PRKG1: variants seen among roughly 807,000 people sequenced by gnomAD.
The protein encoded by PRKG1 is protein kinase cGMP-dependent 1.
In PRKG1, 35 loss-of-function variants were observed where a neutral mutation model predicts 88.1. The observed-to-expected ratio is 0.40, with a 90% CI of 0.30 to 0.53. The LOEUF is 0.53. Among genes scored for constraint, PRKG1 ranks in the 20% least tolerant of loss-of-function variants. The pLI is 0.59. For missense variants in PRKG1, 540 were observed against 839.8 expected, an observed-to-expected ratio of 0.64 and a Z score of 4.41; for synonymous variants, 303 against 292.5, an observed-to-expected ratio of 1.04 and a Z score of -0.37.
At chr10:51,588,095 A>C (rs184263031) in intron 3 of PRKG1, among the ~76,000 whole-genome samples, 194 of 152,300 alleles carry the variant, frequency 1.3e-3, no homozygotes, top group African/African-American at 4.3e-3. Flanking sequence ...TCCTGGAGGG[A>C]CTGTCTCTTG....
At chr10:51,274,647 G>A (rs1293166293) in intron 2 of PRKG1, among the ~76,000 whole-genome samples, 1 of 152,198 alleles carries the variant, frequency 6.6e-6, no homozygotes, top group Non-Finnish European at 1.5e-5. Context: ...AGTGGTGAGT[G>A]TTTGAAGACA....
chr10:52,291,623 G>A (rs1305628897), intron 17 of PRKG1, among the ~76,000 whole-genome samples: 3 of 152,130 alleles, frequency 2.0e-5, no homozygotes, highest in Non-Finnish European at 4.4e-5. Context: ...TGGTGTATAC[G>A]TGCCACATTT....
intron 9 of PRKG1, among the ~76,000 whole-genome samples, chr10:52,221,261 AG>A (rs1406724464): frequency 1.3e-5 from 2 of 152,134 alleles, no homozygotes; most frequent in African/African-American, 4.8e-5. Flanking sequence ...GCCTCACAGA[AG>A]CCATAACATA....
At chr10:51,199,965 C>G (rs376406079) in intron 2 of PRKG1, among the ~76,000 whole-genome samples, 2 of 152,114 alleles carry the variant, frequency 1.3e-5, no homozygotes, top group African/African-American at 2.4e-5. Context: ...GGATTCTCTA[C>G]GTGTTATTTA....
chr10:51,703,849 A>G (rs916043431), intron 3 of PRKG1, among the ~76,000 whole-genome samples: 3 of 152,142 alleles, frequency 2.0e-5, no homozygotes. Flanking sequence ...TAAGATTGCA[A>G]TCATAGTTGC....
At chr10:51,509,588 C>G (rs546741368) in intron 3 of PRKG1, among the ~76,000 whole-genome samples, 1 of 151,924 alleles carries the variant, frequency 6.6e-6, no homozygotes, top group South Asian at 2.1e-4. Flanking sequence ...GTTGAGCAAG[C>G]TGGTCTCAAA....
chr10:51,705,959 G>T (rs139399941), intron 3 of PRKG1, among the ~76,000 whole-genome samples: 1 of 152,128 alleles, frequency 6.6e-6, no homozygotes, highest in Non-Finnish European at 1.5e-5. Flanking sequence ...AGTTATTGAC[G>T]CCTGGGCACC....
At position 52,151,966 on chromosome 10, in the gene PRKG1, T is replaced by C. The variant is rs115372833; in HGVS notation, c.1002-9923T>C. On this transcript the variant is annotated intron_variant, in intron 8 of 17. Coordinates refer to ENST00000373980, the MANE Select transcript of PRKG1 (RefSeq NM_006258.4). ...ATTTAATGTCCTCTATATAATTCAA[T>C]GTTAAATTGCTAAGTGTTTCAAATC... Among the ~76,000 whole-genome samples the C allele has an allele frequency of 3.1e-3, 467 of 152,308 alleles. 5 individuals are homozygous for C. The highest frequency in any genetic ancestry group is 0.011 in the African/African-American group (443 of 41,578).
At chr10:51,278,745 G>C (rs1226102789) in intron 2 of PRKG1, among the ~76,000 whole-genome samples, 2 of 152,158 alleles carry the variant, frequency 1.3e-5, no homozygotes, top group African/African-American at 4.8e-5. Flanking sequence ...TTGCATAGAG[G>C]TGTTTATAGT....
chr10:51,814,149 G>T (rs1287898778), intron 4 of PRKG1, among the ~76,000 whole-genome samples: 1 of 152,070 alleles, frequency 6.6e-6, no homozygotes. Flanking sequence ...TCTGTAAGTG[G>T]GACCTGTTCT....
intron 2 of PRKG1, among the ~76,000 whole-genome samples, chr10:51,162,890 T>G (rs1846401824): frequency 6.6e-6 from 1 of 152,152 alleles, no homozygotes; most frequent in Admixed American, 6.5e-5. Context: ...TCTATTTTTT[T>G]GGATTTTTTG....
At chr10:51,556,107 A>G (rs1176286915) in intron 3 of PRKG1, among the ~76,000 whole-genome samples, 1 of 151,956 alleles carries the variant, frequency 6.6e-6, no homozygotes, top group Non-Finnish European at 1.5e-5. Flanking sequence ...AAAAACTGTA[A>G]CCCTGGACAT....
intron 10 of PRKG1, among the ~76,000 whole-genome samples, chr10:52,254,595 G>A (rs993514192): frequency 2.0e-5 from 3 of 151,954 alleles, no homozygotes; most frequent in African/African-American, 7.2e-5. Context: ...CTGTTAGAGT[G>A]AAGTTAAGAA....
At position 51,098,117 on chromosome 10, in the gene PRKG1, C is replaced by G. The variant is rs187919116; in HGVS notation, c.311+23216C>G. Among the ~76,000 whole-genome samples the G allele has an allele frequency of 1.6e-3, 243 of 152,194 alleles. 1 individual carries two copies. Among genetic ancestry groups the G allele is most frequent in the African/African-American group, 5.2e-3 (214 of 41,536 alleles). ...GTTTCTTTTTTTCCCTAAAATATCA[C>G]TAATAATACATGTCTGAGAGATTGT... On this transcript the variant is annotated intron_variant, in intron 1 of 17. Coordinates refer to ENST00000373980, the MANE Select transcript of PRKG1 (RefSeq NM_006258.4).
At chr10:51,257,917 G>T (rs1281777288) in intron 2 of PRKG1, among the ~76,000 whole-genome samples, 4 of 152,202 alleles carry the variant, frequency 2.6e-5, no homozygotes, top group Non-Finnish European at 5.9e-5. Context: ...TTTGCCAAAA[G>T]AGAGGAGTAT....
intron 5 of PRKG1, chr10:52,046,622 G>A (rs1196530990): frequency 2.0e-5 from 3 of 152,108 alleles, no homozygotes; most frequent in African/African-American, 4.8e-5. Flanking sequence ...ACATGGCATA[G>A]GGAAGTTAAG....
intron 9 of PRKG1, among the ~76,000 whole-genome samples, chr10:52,163,517 C>G (rs889541798): frequency 6.6e-5 from 10 of 151,974 alleles, no homozygotes; most frequent in African/African-American, 2.4e-4. Flanking sequence ...TGCTGCTTCC[C>G]TATTAAACTT....
chr10:51,795,561 A>G (rs1838987589), intron 3 of PRKG1, among the ~76,000 whole-genome samples: 1 of 152,118 alleles, frequency 6.6e-6, no homozygotes, highest in Non-Finnish European at 1.5e-5. Flanking sequence ...GCTTTAGGCT[A>G]ACATATGCCT....
intron 9 of PRKG1, among the ~76,000 whole-genome samples, chr10:52,200,377 A>G (rs1046911684): frequency 6.6e-6 from 1 of 152,174 alleles, no homozygotes; most frequent in Non-Finnish European, 1.5e-5. Flanking sequence ...TTGCTGTTGC[A>G]AAGGACATGA....
Sources: allele counts gnomAD v4.1 joint callset (sites outside exome capture counted in the v4.1 genomes callset), GRCh38; gene constraint gnomAD v4.1.1; transcripts MANE v1.5; gene names NCBI Gene and HGNC (gene_info 2026-07-23, HGNC 2026-07-21).